The following ANTXR1 variants were observed in gnomAD, a reference collection of about 807,000 sequenced individuals.
ANTXR1 encodes anthrax toxin receptor 1.
ANTXR1 carries 19 observed loss-of-function variants against 78.1 expected under a neutral mutation model. The ratio of observed to expected loss-of-function variants is 0.24; its 90% CI spans 0.17 to 0.36. The LOEUF is 0.36. ANTXR1 is among the 10% of genes least tolerant of loss of function. ANTXR1 has a pLI of 1.00. For synonymous variants in ANTXR1, 273 were observed against 260.5 expected (o/e 1.05, Z -0.46); for missense variants, 518 against 718.6 (o/e 0.72, Z 3.19).
At chr2:69,164,960 T>C (rs943820858) in intron 13 of ANTXR1, among the ~76,000 whole-genome samples, 3 of 152,206 alleles carry the variant, frequency 2.0e-5, no homozygotes, top group Admixed American at 1.3e-4. Context: ...AAGCTAAACA[T>C]AGCCCCTGCA....
At chr2:69,235,506 G>T (rs1244276751) in intron 17 of ANTXR1, among the ~76,000 whole-genome samples, 2 of 151,874 alleles carry the variant, frequency 1.3e-5, no homozygotes, top group East Asian at 2.0e-4. Context: ...AAAACAATTA[G>T]CCAGGTGTGG....
intron 17 of ANTXR1, among the ~76,000 whole-genome samples, chr2:69,233,282 CAT>C (rs376381331): frequency 2.2e-3 from 327 of 152,050 alleles, no homozygotes; most frequent in African/African-American, 7.5e-3. Flanking sequence ...GTGAAGTTAA[CAT>C]AATCTTGATG....
intron 9 of ANTXR1, among the ~76,000 whole-genome samples, chr2:69,092,749 G>A (rs1402819154): frequency 6.6e-6 from 1 of 152,202 alleles, no homozygotes; most frequent in Admixed American, 6.5e-5. Flanking sequence ...TAAGGGGCCT[G>A]TGCAGTGAGG....
Position 69,013,783 on chromosome 2 carries a change from A to AGGC in ANTXR1, c.152+141_152+143dup. 1 of 1,468,872 alleles carries AGGC rather than the reference A, an allele frequency of 6.8e-7. No homozygotes were observed. Among genetic ancestry groups the AGGC allele is most frequent in the Non-Finnish European group, 9.3e-7 (1 of 1,076,700 alleles). 91.0% of individuals were successfully genotyped at this position (1,468,872 alleles called of 1,614,324 possible). A position where few individuals can be genotyped will look rare whatever the true frequency, so the allele number is the denominator to read the frequency against. On this transcript the variant is annotated intron_variant, in intron 1 of 17. Coordinates refer to ENST00000303714, the MANE Select transcript of ANTXR1 (RefSeq NM_032208.3). The surrounding 1 kb of genome is among the most constrained non-coding windows in gnomAD (Gnocchi z 5.0). ...CAGGGCCACAGAGGGACCGCGCGGC[A>AGGC]GGCGGCGGCGGAGTGCTGCGCCTTT...
chr2:69,181,887 A>T lies in ANTXR1; in HGVS notation c.1185+6A>T. On this transcript the variant is annotated splice_donor_region_variant and intron_variant, in intron 15 of 17. Coordinates refer to ENST00000303714, the MANE Select transcript of ANTXR1 (RefSeq NM_032208.3). ...GAGGCATTAAAAGAATGGAGGTAAG[A>T]GGACAGCTTCATATACACTTATCTA... 4 of 1,613,894 alleles carry T rather than the reference A, an allele frequency of 2.5e-6. No individual in the cohort carries two copies. Among genetic ancestry groups the T allele is most frequent in the Non-Finnish European group, 2.5e-6 (3 of 1,179,796 alleles).
chr2:69,134,137 G>A (rs1672840423), intron 12 of ANTXR1, among the ~76,000 whole-genome samples: 1 of 152,176 alleles, frequency 6.6e-6, no homozygotes, highest in Non-Finnish European at 1.5e-5. Context: ...TCAACTTGGT[G>A]AAGTTAAAAT....
chr2:69,130,180 T>C (rs1240864493), intron 12 of ANTXR1, among the ~76,000 whole-genome samples: 1 of 152,198 alleles, frequency 6.6e-6, no homozygotes, highest in Non-Finnish European at 1.5e-5. Flanking sequence ...TGCTCATCCC[T>C]GTTAACCCTG....
Position 69,152,592 on chromosome 2 carries a change from G to A in ANTXR1, c.1047+328G>A, listed in dbSNP as rs1312475639. Among the ~76,000 whole-genome samples, 5 of 152,104 alleles carry A rather than the reference G, an allele frequency of 3.3e-5. No homozygotes were observed. The East Asian group carries it at 5.8e-4, about 18-fold the overall frequency. ...TATTCGACATGTAATGAACATATAT[G>A]CCTCTGTGTACGGTACACACACATA... On this transcript the variant is annotated intron_variant, in intron 13 of 17. Coordinates refer to ENST00000303714, the MANE Select transcript of ANTXR1 (RefSeq NM_032208.3).
Position 69,116,072 on chromosome 2 carries a change from T to C in ANTXR1, c.803-6945T>C, listed in dbSNP as rs947842249. On this transcript the variant is annotated intron_variant, in intron 10 of 17. Coordinates refer to ENST00000303714, the MANE Select transcript of ANTXR1 (RefSeq NM_032208.3). ...TCAACCACTGTTCAGCCTGTCCAAG[T>C]AAAAGCCATTCTCTCCACTTTCAAA... is the stretch of plus-strand genomic sequence containing the variant. Among the ~76,000 whole-genome samples the C allele has an allele frequency of 2.6e-5, 4 of 152,372 alleles. No individual in the cohort carries two copies. The South Asian group carries it at 8.3e-4, about 32-fold the overall frequency.
At chr2:69,133,397 G>A (rs905485181) in intron 12 of ANTXR1, among the ~76,000 whole-genome samples, 20 of 152,072 alleles carry the variant, frequency 1.3e-4, no homozygotes, top group Non-Finnish European at 1.9e-4. Flanking sequence ...CACACCCACC[G>A]CTTCTTACTC....
Position 69,245,299 on chromosome 2 carries a change from C to A in ANTXR1, c.1509C>A (p.Thr503=). The change falls in exon 18 of 18, where the codon ACC becomes ACA. Residue 503 remains threonine, a synonymous_variant. Transcript: ENST00000303714. ...AKYPLNNAYH[T]SSPPPAPIYT... ...ACCCACTCAACAACGCCTACCACACCTCCTCGCCGCCTCCTGCCCCCATCT... is the reference window on the plus strand; with the variant it reads ...ACCCACTCAACAACGCCTACCACACATCCTCGCCGCCTCCTGCCCCCATCT... The A allele has an allele frequency of 6.2e-7, 1 of 1,612,494 alleles. No individual in the cohort carries two copies.
chr2:69,019,485 G>A (rs968242379), intron 1 of ANTXR1, among the ~76,000 whole-genome samples: 1 of 151,920 alleles, frequency 6.6e-6, no homozygotes, highest in African/African-American at 2.4e-5. Flanking sequence ...TATATAACCT[G>A]CAAATAACAA....
chr2:69,102,356 A>G (rs925164291), intron 9 of ANTXR1, among the ~76,000 whole-genome samples: 6 of 152,268 alleles, frequency 3.9e-5, no homozygotes, highest in Non-Finnish European at 7.3e-5. Flanking sequence ...GAATGCCCTA[A>G]GGCAGTGACT....
intron 17 of ANTXR1, among the ~76,000 whole-genome samples, chr2:69,230,638 T>C (rs188913314): frequency 1.7e-3 from 260 of 152,260 alleles, no homozygotes; most frequent in African/African-American, 5.3e-3. Context: ...TTTTCAACCT[T>C]GAGCTACCCA....
At position 69,084,890 on chromosome 2, in the gene ANTXR1, T is replaced by C. The variant is rs553693721; in HGVS notation, c.643-5969T>C. Among the ~76,000 whole-genome samples, 299 of 148,980 alleles carry C rather than the reference T, an allele frequency of 2.0e-3. 1 individual carries two copies. The highest frequency in any genetic ancestry group is 3.2e-3 in the Non-Finnish European group (213 of 67,308). ...TTTTTTGAGGCAGAGTCTCGCTCTG[T>C]TGCCCAGGCTGGAGTGCAGTGGCGC... On this transcript the variant is annotated intron_variant, in intron 8 of 17. Coordinates refer to ENST00000303714, the MANE Select transcript of ANTXR1 (RefSeq NM_032208.3).
At chr2:69,134,211 G>A (rs778434726) in intron 12 of ANTXR1, among the ~76,000 whole-genome samples, 5 of 152,160 alleles carry the variant, frequency 3.3e-5, no homozygotes, top group Non-Finnish European at 7.4e-5. Flanking sequence ...GAAACTGAGT[G>A]TATGAGAAAT....
chr2:69,069,619 T>A (rs1205467364), intron 3 of ANTXR1, among the ~76,000 whole-genome samples: 2 of 152,148 alleles, frequency 1.3e-5, no homozygotes, highest in East Asian at 3.9e-4. Context: ...TGACTTCAAG[T>A]CTCCACTCTC....
At position 69,216,107 on chromosome 2, in the gene ANTXR1, G is replaced by A. The variant is rs568865087; in HGVS notation, c.1434+22692G>A. Among the ~76,000 whole-genome samples the A allele has an allele frequency of 3.9e-5, 6 of 152,296 alleles. No individual in the cohort carries two copies. In the South Asian group the frequency reaches 1.0e-3, roughly 26 times the overall value. ...TGTGCCAGGAGGTGAAAAGGAAGTG[G>A]CAGACAAAACCAGTATTTTTTAGAG... On this transcript the variant is annotated intron_variant, in intron 17 of 17. Transcript: ENST00000303714.
chr2:69,111,445 C>T (rs1254689002), intron 10 of ANTXR1, among the ~76,000 whole-genome samples: 1 of 152,166 alleles, frequency 6.6e-6, no homozygotes, highest in Non-Finnish European at 1.5e-5. Context: ...CCTAGTGTTG[C>T]ATGGAGATGC....
Sources: gnomAD v4.1 joint callset for allele counts (sites outside exome capture counted in the v4.1 genomes callset) on GRCh38, gnomAD v4.1.1 for gene constraint, Gnocchi (gnomAD v3.1) non-coding constraint, MANE v1.5 for transcripts, NCBI Gene and HGNC (gene_info 2026-07-23, HGNC 2026-07-21) for gene names.